Variants in SORBS2 observed in about 807,000 individuals in gnomAD.
SORBS2 encodes the protein sorbin and SH3 domain containing 2.
Under a neutral mutation model 97.7 loss-of-function variants are expected in SORBS2, and 46 were observed. The observed-to-expected ratio is 0.47, with a 90% CI of 0.37 to 0.60. SORBS2 has a LOEUF of 0.60. Among genes scored for constraint, SORBS2 ranks in the 20% least tolerant of loss-of-function variants. SORBS2 has a pLI of 0.00. For synonymous variants in SORBS2, 476 were observed against 473.4 expected, an observed-to-expected ratio of 1.01 and a Z score of -0.07; for missense variants, 1,316 against 1,282.3, an observed-to-expected ratio of 1.03 and a Z score of -0.40.
chr4:185,839,774 G>C (rs1226461768), intron 1 of SORBS2, among the ~76,000 whole-genome samples: 1 of 152,190 alleles, frequency 6.6e-6, no homozygotes, highest in African/African-American at 2.4e-5. Flanking sequence ...AGTGCTTTGG[G>C]TCTGGGTGAG....
At chr4:185,763,662 G>A (rs1340612523) in intron 2 of SORBS2, among the ~76,000 whole-genome samples, 1 of 152,136 alleles carries the variant, frequency 6.6e-6, no homozygotes, top group African/African-American at 2.4e-5. Flanking sequence ...TCCTAACAGA[G>A]GAGAGGTATA....
chr4:185,628,070 G>A (rs1245495632), intron 5 of SORBS2, among the ~76,000 whole-genome samples: 1 of 152,158 alleles, frequency 6.6e-6, no homozygotes, highest in East Asian at 1.9e-4. Flanking sequence ...CACAGTTTAT[G>A]TATCCATTCA....
intron 2 of SORBS2, among the ~76,000 whole-genome samples, chr4:185,734,713 G>A (rs2098671417): frequency 6.6e-6 from 1 of 152,154 alleles, no homozygotes; most frequent in Non-Finnish European, 1.5e-5. Context: ...AAGGGTGAGA[G>A]GCAAGCAAAG....
intron 2 of SORBS2, among the ~76,000 whole-genome samples, chr4:185,693,983 A>G (rs1017936398): frequency 1.2e-4 from 18 of 152,232 alleles, no homozygotes; most frequent in African/African-American, 3.9e-4. Flanking sequence ...TTAGATGTCA[A>G]AATGTGAAAT....
intron 1 of SORBS2, among the ~76,000 whole-genome samples, chr4:185,836,817 A>G (rs55676963): frequency 0.27 from 40,790 of 152,164 alleles, 6,995 homozygotes; most frequent in Non-Finnish European, 0.37. Flanking sequence ...TGTAGAGACA[A>G]AGAAATTATG....
intron 1 of SORBS2, among the ~76,000 whole-genome samples, chr4:185,859,275 A>G (rs976784742): frequency 2.6e-5 from 4 of 152,198 alleles, no homozygotes; most frequent in Non-Finnish European, 2.9e-5. Flanking sequence ...TTAGGGTAGA[A>G]AATAAACACT....
intron 1 of SORBS2, among the ~76,000 whole-genome samples, chr4:185,909,166 G>A (rs1401738784): frequency 6.6e-6 from 1 of 152,108 alleles, no homozygotes; most frequent in Non-Finnish European, 1.5e-5. Context: ...ATCAACAGAT[G>A]ACTGAATAAA....
intron 2 of SORBS2, among the ~76,000 whole-genome samples, chr4:185,699,385 C>A (rs6848805): frequency 6.8e-6 from 1 of 147,700 alleles, no homozygotes; most frequent in Admixed American, 7.0e-5. Flanking sequence ...CTCCCAGGTT[C>A]GAGCAATTCT....
chr4:185,886,006 T>C (rs1017116426), intron 1 of SORBS2, among the ~76,000 whole-genome samples: 2 of 152,210 alleles, frequency 1.3e-5, no homozygotes, highest in Admixed American at 1.3e-4. Flanking sequence ...CTCTTGTAAG[T>C]TACTGCGCCC....
intron 1 of SORBS2, among the ~76,000 whole-genome samples, chr4:185,939,042 G>GGAAT (rs1402145494): frequency 4.6e-5 from 7 of 152,170 alleles, no homozygotes; most frequent in African/African-American, 1.7e-4. Flanking sequence ...CTCTCCTAAA[G>GGAAT]GAATACTCAG....
At position 185,929,527 on chromosome 4, in the gene SORBS2, TG is replaced by T. The variant is rs1266999552; in HGVS notation, c.-338+26668del. Among the ~76,000 whole-genome samples, 286 of 142,136 alleles carry T rather than the reference TG, an allele frequency of 2.0e-3. 1 individual carries two copies. The highest frequency in any genetic ancestry group is 6.8e-3 in the African/African-American group (253 of 37,290). The allele number at this position is 142,136 out of a possible 152,430, so 93.2% of individuals were successfully genotyped here. ...AGAGGTTTTATTTGTTGTTTTTTGTTGGGTTTTTTTTTTTTTTTTGAGACAG... is the reference window on the plus strand; with the variant it reads ...AGAGGTTTTATTTGTTGTTTTTTGTTGGTTTTTTTTTTTTTTTTGAGACAG... On this transcript the variant is annotated intron_variant, in intron 1 of 20. Transcript: ENST00000284776.
At chr4:185,596,603 T>C (rs746410137) in intron 12 of SORBS2, among the ~76,000 whole-genome samples, 14 of 149,772 alleles carry the variant, frequency 9.3e-5, no homozygotes, top group South Asian at 2.1e-4. Context: ...GGTGTGATCT[T>C]GGCTCACTGC....
At chr4:185,706,131 G>T (rs2098338324) in intron 2 of SORBS2, among the ~76,000 whole-genome samples, 1 of 152,158 alleles carries the variant, frequency 6.6e-6, no homozygotes, top group Non-Finnish European at 1.5e-5. Context: ...TATTATGCTT[G>T]CCACGTTGAT....
intron 1 of SORBS2, among the ~76,000 whole-genome samples, chr4:185,872,535 C>T (rs2099230976): frequency 6.6e-6 from 1 of 152,052 alleles, no homozygotes; most frequent in African/African-American, 2.4e-5. Context: ...TGATATTTAT[C>T]AATAACAATC....
At chr4:185,591,911 G>GAAAC (rs1255971313) in intron 13 of SORBS2, 1 of 152,140 alleles carries the variant, frequency 6.6e-6, no homozygotes, top group East Asian at 1.9e-4. Context: ...TTAGACCACA[G>GAAAC]AAACAAAAAC....
At chr4:185,937,234 G>A (rs543864514) in intron 1 of SORBS2, among the ~76,000 whole-genome samples, 51 of 152,268 alleles carry the variant, frequency 3.3e-4, no homozygotes, top group African/African-American at 1.2e-3. Context: ...TGTTTCCTAC[G>A]CTTTGAGAAA....
intron 2 of SORBS2, among the ~76,000 whole-genome samples, chr4:185,685,517 A>G (rs2097940161): frequency 6.6e-6 from 1 of 152,154 alleles, no homozygotes; most frequent in South Asian, 2.1e-4. Context: ...AGAAAGGAGT[A>G]TATTGCTTTT....
At chr4:185,600,327 G>A (rs1580638957) in intron 12 of SORBS2, among the ~76,000 whole-genome samples, 1 of 152,126 alleles carries the variant, frequency 6.6e-6, no homozygotes, top group Admixed American at 6.5e-5. Flanking sequence ...TATAAGAAAT[G>A]TTATATCTTT....
intron 1 of SORBS2, among the ~76,000 whole-genome samples, chr4:185,914,689 A>G (rs1579471211): frequency 6.6e-6 from 1 of 152,224 alleles, no homozygotes; most frequent in Non-Finnish European, 1.5e-5. Flanking sequence ...TCTGAAATGC[A>G]TCCATCACTC....
Sources: allele counts gnomAD v4.1 joint callset (sites outside exome capture counted in the v4.1 genomes callset), GRCh38; gene constraint gnomAD v4.1.1; transcripts MANE v1.5; gene names NCBI Gene and HGNC (gene_info 2026-07-23, HGNC 2026-07-21).